Variants in TFCP2 observed in about 807,000 individuals in gnomAD.
TFCP2 encodes the protein alpha-globin transcription factor CP2.
TFCP2 carries 33 observed loss-of-function variants against 73.4 expected under a neutral mutation model. That is an observed-to-expected ratio of 0.45 (90% CI 0.34 to 0.60). The LOEUF is 0.60. Ranked by LOEUF, TFCP2 falls within the 20% of genes least tolerant of loss-of-function variation. The probability of loss-of-function intolerance (pLI) is 0.01; values close to 1 mark genes in which losing one functional copy is unlikely to be tolerated. For synonymous variants in TFCP2, 193 were observed against 211.6 expected (o/e 0.91, Z 0.76); for missense variants, 352 against 604.0 (o/e 0.58, Z 4.37).
intron 10 of TFCP2, 25 bp from the exon 11 acceptor site, chr12:51,102,050 T>C (rs547426187): frequency 2.0e-6 from 3 of 1,478,464 alleles, no homozygotes; most frequent in East Asian, 4.5e-5. Context: ...AGAAAATGGA[T>C]GATAAAGGCA....
At chr12:51,111,042 A>G (rs1940386928) in intron 4 of TFCP2, 59 bp from the exon 5 acceptor site, 13 of 1,192,374 alleles carry the variant, frequency 1.1e-5, no homozygotes, top group Non-Finnish European at 1.3e-5. Context: ...TTTAAATAAG[A>G]AAGCATTGAT....
chr12:51,151,519 C>T (rs141029282), intron 1 of TFCP2, among the ~76,000 whole-genome samples: 3,218 of 152,256 alleles, frequency 0.021, 104 homozygotes, highest in African/African-American at 0.071. Context: ...TCACTGCAAG[C>T]TCTGCCTCCC....
At position 51,172,481 on chromosome 12, in the gene TFCP2, T is replaced by G; in HGVS notation, c.-59A>C. The G allele has an allele frequency of 6.2e-7, 1 of 1,607,310 alleles. No homozygotes were observed. The highest frequency in any genetic ancestry group is 8.5e-7 in the Non-Finnish European group (1 of 1,177,572). On this transcript the variant is annotated 5_prime_UTR_variant, in exon 1 of 15. Coordinates refer to ENST00000257915, the MANE Select transcript of TFCP2 (RefSeq NM_005653.5). Reference sequence around the variant, plus strand: ...TCTTGTACAAAGGCGCGGAGGGTAATTCTACCCAACAGGAGTAACGCAAAC... The same window carrying G: ...TCTTGTACAAAGGCGCGGAGGGTAAGTCTACCCAACAGGAGTAACGCAAAC...
rs754127036 is a variant in TFCP2 at position 51,106,568 on chromosome 12, G to A, written c.874C>T (p.Pro292Ser). The A allele has an allele frequency of 1.5e-5, 24 of 1,613,438 alleles. No homozygotes were observed. The highest frequency in any genetic ancestry group is 1.9e-5 in the Non-Finnish European group (23 of 1,179,780). Residue 292 changes from proline (P) to serine (S), a missense_variant, in exon 8 of 15, where the codon CCT becomes TCT. By Grantham distance (74) the Pro-to-Ser change is moderately conservative. Around this residue, in one of 6 missense-constraint regions of TFCP2, gnomAD observed 194 missense variants for 256.3 expected, o/e 0.76. Coordinates refer to ENST00000257915, the MANE Select transcript of TFCP2 (RefSeq NM_005653.5). ...CTGCTATGGGAACTGTTGAAGCCAG[G>A]TGATGGGGAGTTATTGACATACGTG... ...EITYVNNSPS[P>S]GFNSSHSSFS...
intron 1 of TFCP2, among the ~76,000 whole-genome samples, chr12:51,145,116 G>A (rs144603465): frequency 0.014 from 2,055 of 150,400 alleles, 48 homozygotes; most frequent in African/African-American, 0.047. Flanking sequence ...CAGGAGAATC[G>A]CTTGAACCTG....
intron 1 of TFCP2, among the ~76,000 whole-genome samples, chr12:51,162,598 T>A (rs1941671163): frequency 1.3e-5 from 2 of 152,150 alleles, no homozygotes; most frequent in African/African-American, 4.8e-5. Flanking sequence ...TCAACTCTAC[T>A]CTCTTAGCAA....
intron 1 of TFCP2, chr12:51,157,096 AC>A (rs1174164042): frequency 6.6e-6 from 1 of 151,120 alleles, no homozygotes; most frequent in African/African-American, 2.4e-5. Flanking sequence ...GCTCACTACA[AC>A]CTCTACCTCC....
chr12:51,125,091 G>C (rs754097740), intron 1 of TFCP2: 16 of 755,102 alleles, frequency 2.1e-5, no homozygotes, highest in Non-Finnish European at 3.7e-5. Context: ...TCCGATGCTG[G>C]TGAAGATGCG....
At chr12:51,149,393 A>G (rs749752420) in intron 1 of TFCP2, among the ~76,000 whole-genome samples, 1 of 152,060 alleles carries the variant, frequency 6.6e-6, no homozygotes, top group Non-Finnish European at 1.5e-5. Flanking sequence ...GTAACCAAAC[A>G]CTACCTGTTC....
chr12:51,134,215 T>C (rs889789642), intron 1 of TFCP2, among the ~76,000 whole-genome samples: 2 of 152,212 alleles, frequency 1.3e-5, no homozygotes, highest in Non-Finnish European at 2.9e-5. Flanking sequence ...AGTACACACA[T>C]ACATATGTTT....
chr12:51,120,948 A>G (rs1447480566), intron 1 of TFCP2, among the ~76,000 whole-genome samples: 3 of 151,420 alleles, frequency 2.0e-5, no homozygotes, highest in Non-Finnish European at 4.4e-5. Flanking sequence ...GAGTAGTAAC[A>G]TGTTAAAGCA....
chr12:51,126,059 T>G (rs12810990), intron 1 of TFCP2, among the ~76,000 whole-genome samples: 20,246 of 151,724 alleles, frequency 0.13, 1,625 homozygotes, highest in South Asian at 0.22. Context: ...TGAAACCCCA[T>G]CTCTACTAAA....
At chr12:51,168,809 AT>A (rs34133154) in intron 1 of TFCP2, among the ~76,000 whole-genome samples, 60,209 of 148,686 alleles carry the variant, frequency 0.4, 12,655 homozygotes, top group African/African-American at 0.53. Context: ...TTTTTATTTC[AT>A]TTTTTTTTTG....
intron 1 of TFCP2, among the ~76,000 whole-genome samples, chr12:51,134,370 C>T (rs1941016667): frequency 1.3e-5 from 2 of 152,134 alleles, no homozygotes; most frequent in South Asian, 4.1e-4. Context: ...CTGCAACCTT[C>T]ACCTCCCGGG....
rs1053574041 is a variant in TFCP2, at chr12:51,094,607, C to T, written c.*634G>A. ...CGGTTGGGGGTCACTATAGCACCTA[C>T]TTCAGATAGTGTGATTAGGGGGTTA... is the stretch of plus-strand genomic sequence containing the variant. On this transcript the variant is annotated 3_prime_UTR_variant, in exon 15 of 15. Transcript: ENST00000257915. 1 of 152,336 alleles carries T rather than the reference C, an allele frequency of 6.6e-6. No individual in the cohort carries two copies. The highest frequency in any genetic ancestry group is 2.4e-5 in the African/African-American group (1 of 41,430). 9.4% of individuals were successfully genotyped at this position (152,336 alleles called of 1,614,324 possible).
chr12:51,154,512 G>C (rs1941496742), intron 1 of TFCP2, among the ~76,000 whole-genome samples: 1 of 152,136 alleles, frequency 6.6e-6, no homozygotes, highest in Non-Finnish European at 1.5e-5. Flanking sequence ...TGGCCAATAT[G>C]ATAAAATCTC....
At chr12:51,097,850 T>C (rs1314758636) in intron 13 of TFCP2, among the ~76,000 whole-genome samples, 2 of 151,524 alleles carry the variant, frequency 1.3e-5, no homozygotes, top group Non-Finnish European at 2.9e-5. Context: ...ACCCAGCCTC[T>C]ACTAAAAATA....
intron 1 of TFCP2, chr12:51,124,600 G>A (rs770901679): frequency 1.2e-5 from 6 of 517,762 alleles, no homozygotes; most frequent in African/African-American, 9.6e-5. Context: ...GGCAGCCGGA[G>A]GAGCGGACTG....
chr12:51,130,029 T>C (rs1270252402), intron 1 of TFCP2, among the ~76,000 whole-genome samples: 1 of 151,934 alleles, frequency 6.6e-6, no homozygotes, highest in Non-Finnish European at 1.5e-5. Flanking sequence ...TGTGCATCTG[T>C]AATCCCAGTT....
Sources: allele counts gnomAD v4.1 joint callset (sites outside exome capture counted in the v4.1 genomes callset), GRCh38; gene constraint gnomAD v4.1.1; regional missense constraint gnomAD v4.1.1; transcripts MANE v1.5; gene names NCBI Gene and HGNC (gene_info 2026-07-23, HGNC 2026-07-21).